The following ATG7 variants were observed in gnomAD, a reference collection of about 807,000 sequenced individuals.
The protein encoded by ATG7 is ubiquitin-like modifier-activating enzyme ATG7.
ATG7 carries 70 observed loss-of-function variants against 82.4 expected under a neutral mutation model. The observed-to-expected ratio is 0.85, with a 90% CI of 0.70 to 1.04. The LOEUF (loss-of-function observed/expected upper bound fraction) is 1.04. Ranked by LOEUF, ATG7 falls within the 50% of genes least tolerant of loss-of-function variation. The pLI, the probability that ATG7 is intolerant of heterozygous loss-of-function variation, is 0.00. For missense variants in ATG7, 792 were observed against 864.3 expected (o/e 0.92, Z 1.05); for synonymous variants, 287 against 313.0 (o/e 0.92, Z 0.88).
chr3:11,489,244 A>G (rs535955290), intron 20 of ATG7, among the ~76,000 whole-genome samples: 1 of 152,140 alleles, frequency 6.6e-6, no homozygotes, highest in Non-Finnish European at 1.5e-5. Flanking sequence ...AAGTCTGCAG[A>G]GGTTACTGCT....
chr3:11,337,970 C>T (rs1952808094), intron 11 of ATG7, among the ~76,000 whole-genome samples: 2 of 151,794 alleles, frequency 1.3e-5, no homozygotes, highest in South Asian at 4.2e-4. Context: ...AAAAAAAAAA[C>T]TTTTATTTTC....
chr3:11,281,203 C>T (rs547561157), intron 2 of ATG7, 101 bp downstream of exon 2: 1 of 152,330 alleles, frequency 6.6e-6, no homozygotes, highest in Admixed American at 6.5e-5. Flanking sequence ...AGGCTGTGCA[C>T]TGCACAAGAG....
chr3:11,344,277 A>T (rs1468414308), intron 13 of ATG7, among the ~76,000 whole-genome samples: 1 of 152,204 alleles, frequency 6.6e-6, no homozygotes, highest in African/African-American at 2.4e-5. Context: ...ACTCCACAGT[A>T]ATGTAGAAGA....
At chr3:11,459,557 C>A (rs2086107714) in intron 20 of ATG7, among the ~76,000 whole-genome samples, 1 of 151,166 alleles carries the variant, frequency 6.6e-6, no homozygotes, top group Admixed American at 6.6e-5. Context: ...TTCCAAAATT[C>A]AACATGAATT....
At chr3:11,453,349 C>G (rs2085382165) in intron 20 of ATG7, among the ~76,000 whole-genome samples, 1 of 152,102 alleles carries the variant, frequency 6.6e-6, no homozygotes. Context: ...CCAGAGCCAT[C>G]TTCATGAAAG....
At chr3:11,540,553 A>T (rs1208588540) in intron 20 of ATG7, among the ~76,000 whole-genome samples, 1 of 151,996 alleles carries the variant, frequency 6.6e-6, no homozygotes, top group Admixed American at 6.6e-5. Flanking sequence ...AGGTGGGAGG[A>T]TCCCTTGAGA....
At chr3:11,493,188 G>A (rs765542739) in intron 20 of ATG7, among the ~76,000 whole-genome samples, 1 of 148,798 alleles carries the variant, frequency 6.7e-6, no homozygotes, top group East Asian at 1.9e-4. Flanking sequence ...AGCTGGAAAG[G>A]GGGTGGGAAG....
intron 19 of ATG7, among the ~76,000 whole-genome samples, chr3:11,424,633 AT>A (rs1192970162): frequency 6.6e-6 from 1 of 151,486 alleles, no homozygotes; most frequent in Non-Finnish European, 1.5e-5. Flanking sequence ...ATATTTAAAA[AT>A]CTTATTTTAA....
chr3:11,497,926 TA>T (rs1224058651), intron 20 of ATG7, among the ~76,000 whole-genome samples: 5 of 152,178 alleles, frequency 3.3e-5, no homozygotes, highest in Non-Finnish European at 7.3e-5. Flanking sequence ...TGGTTCTACT[TA>T]TCATTGCATG....
chr3:11,446,738 G>A, intron 20 of ATG7: 1 of 226,202 alleles, frequency 4.4e-6, no homozygotes, highest in Non-Finnish European at 8.9e-6. Context: ...CCAGTCAAGG[G>A]GCTACTTGGG....
At chr3:11,568,904 TC>T in the ATG7 span, 5 of 1,290,142 alleles carry the variant, frequency 3.9e-6, no homozygotes, top group Non-Finnish European at 4.9e-6. This position sits in a 1 kb window ranked among gnomAD's most constrained non-coding sequence, Gnocchi z 5.9. Flanking sequence ...CCGGGCCTCA[TC>T]CCCATCCTAG....
chr3:11,500,855 T>A (rs1210373910), intron 20 of ATG7, among the ~76,000 whole-genome samples: 1 of 152,210 alleles, frequency 6.6e-6, no homozygotes, highest in African/African-American at 2.4e-5. Flanking sequence ...GTTCTCGATC[T>A]CCTGACCTTG....
intron 5 of ATG7, among the ~76,000 whole-genome samples, chr3:11,305,905 G>A (rs763165828): frequency 2.0e-5 from 3 of 152,184 alleles, no homozygotes; most frequent in Non-Finnish European, 4.4e-5. Context: ...AAACTATGCA[G>A]CTGTCATCAG....
Position 11,331,344 on chromosome 3 carries a change from C to A in ATG7, c.683C>A (p.Thr228Lys). Residue 228 changes from threonine (T) to lysine (K), a missense_variant, in exon 10 of 21, where the codon ACA becomes AAA. Physicochemically the swap from Thr to Lys is moderately conservative, Grantham distance 78. Coordinates refer to ENST00000693202, the MANE Select transcript of ATG7 (RefSeq NM_001349232.2). ...GAAAGTCTTTTTTGTTCACAGATAA[C>A]AATTGGTGTATATGATCCCTGTAAC... ...DFFQGQRTKITIGVYDPCNLA... is the reference protein window; with the variant it reads ...DFFQGQRTKIKIGVYDPCNLA... 1.2e-6 allele frequency: 2 copies of A among 1,611,980 alleles called. No individual in the cohort carries two copies. Among genetic ancestry groups the A allele is most frequent in the Non-Finnish European group, 1.7e-6 (2 of 1,178,268 alleles).
intron 19 of ATG7, among the ~76,000 whole-genome samples, chr3:11,418,372 C>G (rs1376647553): frequency 1.3e-5 from 2 of 152,090 alleles, no homozygotes; most frequent in Admixed American, 6.5e-5. Flanking sequence ...CTCAGCTCCC[C>G]CAAAGTGCTG....
downstream of ATG7, among the ~76,000 whole-genome samples, chr3:11,560,203 G>A (rs2072856298): frequency 6.6e-6 from 1 of 152,186 alleles, no homozygotes; most frequent in South Asian, 2.1e-4. Flanking sequence ...TTCAGCAAGT[G>A]CATCGGTCTG....
intron 20 of ATG7, among the ~76,000 whole-genome samples, chr3:11,532,546 C>T (rs1400611633): frequency 6.6e-6 from 1 of 152,118 alleles, no homozygotes. Flanking sequence ...AACATGGCAA[C>T]GTCCTGTCCG....
rs190269224 is a variant in ATG7, at chr3:11,488,613, C to G, written c.2079+61687C>G. 8.8e-5 allele frequency: 39 copies of G among 441,342 alleles called. 1 individual carries two copies. The South Asian group carries it at 1.4e-3, about 16-fold the overall frequency. The allele number at this position is 441,342 out of a possible 1,614,324, so 27.3% of individuals were successfully genotyped here. On this transcript the variant is annotated intron_variant, in intron 20 of 20. Transcript: ENST00000693202. ...TCCCTAAGCCACCGACCCCAGCCCGCGGGCCTTCGAGCCTTCTGGGGCCTC... is the reference window on the plus strand; with the variant it reads ...TCCCTAAGCCACCGACCCCAGCCCGGGGGCCTTCGAGCCTTCTGGGGCCTC...
At chr3:11,460,890 T>C (rs2086239604) in intron 20 of ATG7, among the ~76,000 whole-genome samples, 2 of 152,182 alleles carry the variant, frequency 1.3e-5, no homozygotes, top group African/African-American at 4.8e-5. Flanking sequence ...TCCATGTGTA[T>C]GGAGCCCAGA....
Sources: allele counts gnomAD v4.1 joint callset (sites outside exome capture counted in the v4.1 genomes callset), GRCh38; gene constraint gnomAD v4.1.1; non-coding constraint Gnocchi (gnomAD v3.1); transcripts MANE v1.5; gene names NCBI Gene and HGNC (gene_info 2026-07-23, HGNC 2026-07-21).